SRPK2: variants seen among roughly 807,000 people sequenced by gnomAD.
SRPK2 encodes the protein SFRS protein kinase 2.
In SRPK2, 21 loss-of-function variants were observed where a neutral mutation model predicts 90.8. That is an observed-to-expected ratio of 0.23 (90% CI 0.16 to 0.33). The LOEUF (loss-of-function observed/expected upper bound fraction) is 0.33, where lower values mean the gene tolerates loss of function less well. SRPK2 is among the 10% of genes least tolerant of loss of function. The pLI, the probability that SRPK2 is intolerant of heterozygous loss-of-function variation, is 1.00. For synonymous variants in SRPK2, 288 were observed against 311.1 expected (o/e 0.93, Z 0.78); for missense variants, 620 against 869.0 (o/e 0.71, Z 3.60).
intron 2 of SRPK2, among the ~76,000 whole-genome samples, chr7:105,381,195 G>A (rs927655261): frequency 2.0e-5 from 3 of 151,914 alleles, no homozygotes; most frequent in African/African-American, 7.3e-5. Flanking sequence ...ACTGAGCCAA[G>A]ATCATGCCAC....
At chr7:105,294,371 G>C (rs972788520) in intron 2 of SRPK2, among the ~76,000 whole-genome samples, 1 of 152,070 alleles carries the variant, frequency 6.6e-6, no homozygotes, top group African/African-American at 2.4e-5. Flanking sequence ...TGTCGATCCA[G>C]TTCCCTAAAC....
chr7:105,188,323 T>C (rs1158979288), intron 3 of SRPK2, among the ~76,000 whole-genome samples: 4 of 151,934 alleles, frequency 2.6e-5, no homozygotes, highest in African/African-American at 7.3e-5. Flanking sequence ...TTGCTAAGGG[T>C]TGTAGAGGGG....
intron 3 of SRPK2, among the ~76,000 whole-genome samples, chr7:105,195,445 A>C (rs533887047): frequency 6.6e-6 from 1 of 152,198 alleles, no homozygotes; most frequent in Non-Finnish European, 1.5e-5. Flanking sequence ...TTTTGGTAAT[A>C]TTTTGAAGTG....
intron 2 of SRPK2, among the ~76,000 whole-genome samples, chr7:105,278,314 CA>C (rs34389951): frequency 0.46 from 47,821 of 103,972 alleles, 9,215 homozygotes; most frequent in South Asian, 0.56. Flanking sequence ...GATTCTGTCT[CA>C]AAAAAAAAAA....
At chr7:105,126,197 T>C in intron 15 of SRPK2, 51 bp downstream of exon 15, 1 of 1,394,612 alleles carries the variant, frequency 7.2e-7, no homozygotes, top group East Asian at 2.3e-5. Flanking sequence ...CAGCAGCTGC[T>C]CTTCAGTTTC....
chr7:105,376,318 C>CT (rs1468690412), intron 2 of SRPK2, among the ~76,000 whole-genome samples: 1 of 151,578 alleles, frequency 6.6e-6, no homozygotes, highest in Non-Finnish European at 1.5e-5. Context: ...TCTTAAAACA[C>CT]ACACACACAC....
intron 2 of SRPK2, among the ~76,000 whole-genome samples, chr7:105,329,737 T>C (rs1341759959): frequency 6.6e-6 from 1 of 152,072 alleles, no homozygotes; most frequent in Non-Finnish European, 1.5e-5. Flanking sequence ...CTCATCTCCG[T>C]GGCTTAAGAA....
At chr7:105,323,256 T>C (rs1303263774) in intron 2 of SRPK2, among the ~76,000 whole-genome samples, 1 of 152,206 alleles carries the variant, frequency 6.6e-6, no homozygotes, top group Non-Finnish European at 1.5e-5. Context: ...ATTGAAATTT[T>C]ATGCTAGAGA....
chr7:105,148,918 C>T lies in SRPK2; in HGVS notation c.622-2260G>A, dbSNP rs546288299. Among the ~76,000 whole-genome samples, 14 of 152,186 alleles carry T rather than the reference C, an allele frequency of 9.2e-5. No individual in the cohort carries two copies. The South Asian group carries it at 1.7e-3, about 18-fold the overall frequency. ...AAGCAGTATACTTGGTAAAAGTCAT[C>T]GCCATTCTCTAGTCTCAATAAACCA... is the stretch of plus-strand genomic sequence containing the variant. On this transcript the variant is annotated intron_variant, in intron 7 of 15. Coordinates refer to ENST00000393651, the MANE Select transcript of SRPK2 (RefSeq NM_182692.3).
intron 3 of SRPK2, among the ~76,000 whole-genome samples, chr7:105,178,840 A>C (rs1792356125): frequency 6.6e-6 from 1 of 152,124 alleles, no homozygotes. Flanking sequence ...GTAACAACAA[A>C]AATTACTTAA....
intron 7 of SRPK2, among the ~76,000 whole-genome samples, chr7:105,152,109 A>C (rs1306985449): frequency 6.6e-6 from 1 of 151,908 alleles, no homozygotes; most frequent in African/African-American, 2.4e-5. Context: ...CGTATGGTAC[A>C]TCCCAGCAAC....
intron 2 of SRPK2, among the ~76,000 whole-genome samples, chr7:105,272,933 G>A (rs1806007511): frequency 3.3e-5 from 5 of 152,162 alleles, no homozygotes; most frequent in Middle Eastern, 3.4e-3. Flanking sequence ...TATCTTTCCC[G>A]GCCGGGCGCG....
At chr7:105,137,772 G>A (rs1477560268) in intron 11 of SRPK2, among the ~76,000 whole-genome samples, 1 of 152,132 alleles carries the variant, frequency 6.6e-6, no homozygotes, top group Non-Finnish European at 1.5e-5. Context: ...ACTGGCCCCA[G>A]TCTTTCTTCT....
chr7:105,169,085 G>A (rs960923223), intron 4 of SRPK2, 72 bp downstream of exon 4: 2 of 1,352,174 alleles, frequency 1.5e-6, no homozygotes, highest in Admixed American at 1.7e-5. Context: ...GTGACCCTCA[G>A]CCATACCTTC....
intron 2 of SRPK2, among the ~76,000 whole-genome samples, chr7:105,368,302 T>C (rs143066128): frequency 4.0e-4 from 61 of 152,326 alleles, no homozygotes; most frequent in African/African-American, 1.4e-3. Flanking sequence ...CCCACTCTCA[T>C]AGATGCACAT....
intron 2 of SRPK2, among the ~76,000 whole-genome samples, chr7:105,347,108 A>T (rs1816555023): frequency 6.6e-6 from 1 of 150,998 alleles, no homozygotes; most frequent in Non-Finnish European, 1.5e-5. Flanking sequence ...ACCCAGGCTG[A>T]AGTGCAGTGG....
intron 2 of SRPK2, among the ~76,000 whole-genome samples, chr7:105,298,165 GC>G (rs1207763945): frequency 6.6e-6 from 1 of 152,112 alleles, no homozygotes; most frequent in East Asian, 1.9e-4. Context: ...ATTCCCCATT[GC>G]CACACTACAA....
chr7:105,334,834 C>CAA lies in SRPK2; in HGVS notation c.71+53812_71+53813dup, dbSNP rs1326446354. 3.8e-4 allele frequency among the ~76,000 whole-genome samples: 28 copies of CAA among 73,092 alleles called. 1 individual carries two copies. The highest frequency in any genetic ancestry group is 8.3e-4 in the African/African-American group (17 of 20,386). 48.0% of individuals were successfully genotyped at this position (73,092 alleles called of 152,430 possible). The stretch of plus-strand genomic sequence containing the variant: ...CAGCCTTCCAGCCTGGGATACAGAC[C>CAA]AAAAAAAAAAAAAACAAAAAAAAAA... On this transcript the variant is annotated intron_variant, in intron 2 of 15. Transcript: ENST00000393651.
chr7:105,296,000 A>C (rs924915911), intron 2 of SRPK2, among the ~76,000 whole-genome samples: 2 of 152,190 alleles, frequency 1.3e-5, no homozygotes, highest in Non-Finnish European at 2.9e-5. Context: ...TAACCCCAAA[A>C]GGAGAAAAGT....
Sources: allele counts gnomAD v4.1 joint callset (sites outside exome capture counted in the v4.1 genomes callset), GRCh38; gene constraint gnomAD v4.1.1; transcripts MANE v1.5; gene names NCBI Gene and HGNC (gene_info 2026-07-23, HGNC 2026-07-21).